The following SNX8 variants were observed in gnomAD, a reference collection of about 807,000 sequenced individuals.
SNX8 encodes sorting nexin-8.
Under a neutral mutation model 51.6 loss-of-function variants are expected in SNX8, and 25 were observed. That is an observed-to-expected ratio of 0.48 (90% CI 0.35 to 0.68). The LOEUF is 0.68. Ranked by LOEUF, SNX8 falls within the 30% of genes least tolerant of loss-of-function variation. The probability of loss-of-function intolerance (pLI) is 0.00; values close to 1 mark genes in which losing one functional copy is unlikely to be tolerated. For missense variants in SNX8, 695 were observed against 624.0 expected (o/e 1.11, Z -1.21); for synonymous variants, 324 against 277.0 (o/e 1.17, Z -1.68).
intron 1 of SNX8, among the ~76,000 whole-genome samples, chr7:2,279,738 G>C (rs1455007303): frequency 6.9e-6 from 1 of 145,062 alleles, no homozygotes; most frequent in African/African-American, 2.6e-5. Flanking sequence ...AGGCAACAGA[G>C]TGAGACCCTG....
At chr7:2,285,021 G>C (rs539039312) in intron 1 of SNX8, among the ~76,000 whole-genome samples, 1 of 151,964 alleles carries the variant, frequency 6.6e-6, no homozygotes, top group African/African-American at 2.4e-5. Context: ...GACCATCCTG[G>C]CTAACACGAT....
rs1273157433 is a variant in SNX8 at position 2,254,582 on chromosome 7, C to T, written c.*474G>A. The stretch of plus-strand genomic sequence containing the variant: ...TGCCCCACGCCCAATGGCCCTCCCT[C>T]CCAGCCTCAGCACCACTGGCTGTCC... On this transcript the variant is annotated 3_prime_UTR_variant, in exon 11 of 11. Coordinates refer to ENST00000222990, the MANE Select transcript of SNX8 (RefSeq NM_013321.4). 3.3e-5 allele frequency: 6 copies of T among 179,448 alleles called. No homozygotes were observed. The highest frequency in any genetic ancestry group is 1.4e-4 in the African/African-American group (6 of 41,796). 11.1% of individuals were successfully genotyped at this position (179,448 alleles called of 1,614,324 possible). A position where few individuals can be genotyped will look rare whatever the true frequency, so the allele number is the denominator to read the frequency against.
chr7:2,329,098 AC>A (rs1255685727), intron 1 of SNX8, among the ~76,000 whole-genome samples: 9 of 148,892 alleles, frequency 6.0e-5, no homozygotes, highest in African/African-American at 2.0e-4. Context: ...AAAAAAAAAA[AC>A]AAAACATACA....
In SNX8 at chr7:2,257,014, C is replaced by T. The variant is rs1209431898; in HGVS notation, c.1144G>A (p.Ala382Thr). The change falls in exon 10 of 11, where the codon GCG becomes ACG. Residue 382 changes from alanine to threonine, a missense_variant. Coordinates refer to ENST00000222990, the MANE Select transcript of SNX8 (RefSeq NM_013321.4). ...TTCCGCAGCTCCATCGTCTGAATCG[C>T]GTTCTCCTGCTGCGGAGCAAACAGC... ...LESRIVEQENAIQTMELRNYF... is the reference protein window; with the variant it reads ...LESRIVEQENTIQTMELRNYF... The T allele has an allele frequency of 1.2e-6, 2 of 1,604,904 alleles. No individual in the cohort carries two copies. The highest frequency in any genetic ancestry group is 1.7e-5 in the Admixed American group (1 of 59,384).
At chr7:2,341,007 G>C (rs546414561) in intron 1 of SNX8, among the ~76,000 whole-genome samples, 1 of 150,134 alleles carries the variant, frequency 6.7e-6, no homozygotes, top group South Asian at 2.1e-4. Flanking sequence ...AACATAGCAA[G>C]ATGCTGTCTC....
intron 1 of SNX8, among the ~76,000 whole-genome samples, chr7:2,310,802 A>G (rs1796643974): frequency 6.6e-6 from 1 of 152,152 alleles, no homozygotes; most frequent in Admixed American, 6.6e-5. Flanking sequence ...TAAAAGGAAC[A>G]AAAGAAAGCT....
At chr7:2,260,724 T>A (rs138367140) in intron 7 of SNX8, among the ~76,000 whole-genome samples, 33 of 152,150 alleles carry the variant, frequency 2.2e-4, no homozygotes, top group African/African-American at 7.5e-4. Flanking sequence ...GGCCTCGAGG[T>A]TTGTTTCATG....
At chr7:2,283,967 G>A (rs1252396215) in intron 1 of SNX8, among the ~76,000 whole-genome samples, 1 of 152,060 alleles carries the variant, frequency 6.6e-6, no homozygotes, top group East Asian at 1.9e-4. Flanking sequence ...GGCTAATTTT[G>A]CATTTTTAGG....
intron 7 of SNX8, among the ~76,000 whole-genome samples, chr7:2,262,074 G>A (rs755165310): frequency 1.3e-5 from 2 of 152,226 alleles, no homozygotes; most frequent in Non-Finnish European, 2.9e-5. Context: ...GTCTCGCTCT[G>A]TCGCCCAGGC....
chr7:2,281,569 T>C (rs1166733149), intron 1 of SNX8, among the ~76,000 whole-genome samples: 1 of 152,044 alleles, frequency 6.6e-6, no homozygotes, highest in Non-Finnish European at 1.5e-5. Flanking sequence ...GGAACTTCAA[T>C]ACTCTATCAA....
intron 1 of SNX8, among the ~76,000 whole-genome samples, chr7:2,280,796 T>TC (rs1312750818): frequency 1.3e-5 from 2 of 150,990 alleles, no homozygotes; most frequent in African/African-American, 4.9e-5. Flanking sequence ...AATGCCCTTT[T>TC]TTTTTTTTTT....
At position 2,271,892 on chromosome 7, in the gene SNX8, G is replaced by A. The variant is rs533933062; in HGVS notation, c.498C>T (p.Ser166=). The change falls in exon 4 of 11, where the codon TCC becomes TCT. Residue 166 remains serine, a synonymous_variant. Coordinates refer to ENST00000222990, the MANE Select transcript of SNX8 (RefSeq NM_013321.4). ...GGAAGAGCTTGAGGACCACATCCTC[G>A]GAGAACAGGGGGTGTCGCGCCACCA... ...VNLVARHPLF[S]EDVVLKLFLS... is the part of the protein sequence containing the mutation. 6.5e-5 allele frequency: 105 copies of A among 1,613,548 alleles called. No homozygotes were observed. The Admixed American group carries it at 8.5e-4, about 13-fold the overall frequency.
chr7:2,293,001 T>C (rs1000328915), intron 1 of SNX8, among the ~76,000 whole-genome samples: 4 of 151,896 alleles, frequency 2.6e-5, no homozygotes, highest in Middle Eastern at 3.2e-3. Context: ...GCCCGGGTGA[T>C]AGAGTAAGAC....
intron 1 of SNX8, among the ~76,000 whole-genome samples, chr7:2,332,763 GAA>G (rs1778759930): frequency 6.7e-6 from 1 of 149,024 alleles, no homozygotes; most frequent in African/African-American, 2.5e-5. Context: ...AGGAAGGAAG[GAA>G]GGAAGGAGGG....
At chr7:2,346,760 A>AC (rs1476327180) in intron 1 of SNX8, among the ~76,000 whole-genome samples, 15 of 147,466 alleles carry the variant, frequency 1.0e-4, no homozygotes, top group East Asian at 2.0e-4. Context: ...AAAAAAAAAA[A>AC]CAGAAAAAAA....
intron 1 of SNX8, among the ~76,000 whole-genome samples, chr7:2,325,537 G>C (rs955865070): frequency 7.9e-5 from 12 of 152,194 alleles, no homozygotes; most frequent in African/African-American, 2.9e-4. Flanking sequence ...AATGTAATGA[G>C]GAATATCAGG....
intron 1 of SNX8, among the ~76,000 whole-genome samples, chr7:2,351,717 G>C (rs1234715593): frequency 6.6e-6 from 1 of 151,346 alleles, no homozygotes; most frequent in Non-Finnish European, 1.5e-5. Flanking sequence ...TGTAGTCCCA[G>C]CTACTCGGGA....
intron 1 of SNX8, among the ~76,000 whole-genome samples, chr7:2,303,763 G>C (rs184434147): frequency 6.1e-4 from 92 of 151,990 alleles, no homozygotes; most frequent in African/African-American, 2.0e-3. Flanking sequence ...CAGCATGCTC[G>C]TTAAGAGTCA....
intron 1 of SNX8, among the ~76,000 whole-genome samples, chr7:2,289,189 C>T (rs1481533965): frequency 6.6e-6 from 1 of 151,578 alleles, no homozygotes; most frequent in African/African-American, 2.4e-5. Context: ...GTGTCCTCGT[C>T]GCCTCCTCCT....
Sources: allele counts gnomAD v4.1 joint callset (sites outside exome capture counted in the v4.1 genomes callset), GRCh38; gene constraint gnomAD v4.1.1; transcripts MANE v1.5; gene names NCBI Gene and HGNC (gene_info 2026-07-23, HGNC 2026-07-21).